The following IQUB variants were observed in gnomAD, a reference collection of about 807,000 sequenced individuals.
The protein encoded by IQUB is IQ motif and ubiquitin-like domain-containing protein.
In IQUB, 86 loss-of-function variants were observed where a neutral mutation model predicts 86.4. The ratio of observed to expected loss-of-function variants is 1.00; its 90% CI spans 0.84 to 1.19. IQUB has a LOEUF of 1.19. Ranked by LOEUF, IQUB falls within the 50% of genes most tolerant of loss-of-function variation. The pLI is 0.00. For missense variants in IQUB, 946 were observed against 916.9 expected, an observed-to-expected ratio of 1.03 and a Z score of -0.41; for synonymous variants, 289 against 304.5, an observed-to-expected ratio of 0.95 and a Z score of 0.53.
intron 7 of IQUB, among the ~76,000 whole-genome samples, chr7:123,494,173 T>G (rs558353380): frequency 1.3e-5 from 2 of 152,180 alleles, no homozygotes; most frequent in South Asian, 4.1e-4. Context: ...GAGATCACCC[T>G]CAACATACTG....
chr7:123,464,922 G>A lies in IQUB; in HGVS notation c.1669C>T (p.Leu557Phe), dbSNP rs1794177995. 2.5e-6 allele frequency: 4 copies of A among 1,604,670 alleles called. No homozygotes were observed. The highest frequency in any genetic ancestry group is 2.7e-5 in the African/African-American group (2 of 74,420). The change falls in exon 10 of 13, where the codon CTT (leucine) becomes TTT (phenylalanine). Residue 557 changes from leucine to phenylalanine, a missense_variant. Coordinates refer to ENST00000324698, the MANE Select transcript of IQUB (RefSeq NM_178827.5). Reference sequence around the variant, plus strand: ...GCAATTCTTTTTCTGAGTCCTTCAAGGTTATGATGTTTGACTCCTCTCATC... The same window carrying A: ...GCAATTCTTTTTCTGAGTCCTTCAAAGTTATGATGTTTGACTCCTCTCATC... Reference protein sequence around the residue: ...LMMRGVKHHNLEGLRKRIATL... With the variant: ...LMMRGVKHHNFEGLRKRIATL...
intron 7 of IQUB, among the ~76,000 whole-genome samples, chr7:123,480,767 C>T (rs986428768): frequency 6.6e-6 from 1 of 152,012 alleles, no homozygotes; most frequent in Non-Finnish European, 1.5e-5. Context: ...CATTTATTTA[C>T]AAAACTCTAA....
In IQUB at chr7:123,502,679, TA is replaced by T. The variant is rs1340634993; in HGVS notation, c.940del (p.Tyr314MetfsTer5). On this transcript the variant is annotated frameshift_variant, in exon 6 of 13. Coordinates refer to ENST00000324698, the MANE Select transcript of IQUB (RefSeq NM_178827.5). LOFTEE classifies it high-confidence loss of function. ...CAGTTTATCAGTCATATTTGATACA[TA>T]TACACCAATGTTAGTCATCTGTGTG... ...TSTQMTNIGV[Y>X]VSNMTDKLVT... The T allele has an allele frequency of 4.3e-6, 7 of 1,611,658 alleles. No individual in the cohort carries two copies. In the Admixed American group the frequency reaches 8.4e-5, roughly 19 times the overall value.
At position 123,499,323 on chromosome 7, in the gene IQUB, T is replaced by C. The variant is rs1255665221; in HGVS notation, c.1024-2417A>G. ...CAGGGTTTCACCAAGTTGCCGAGCT[T>C]GGTCTCCAACTCCTGGCCTCGAGTG... On this transcript the variant is annotated intron_variant, in intron 6 of 12. Transcript: ENST00000324698. Among the ~76,000 whole-genome samples, 5 of 152,222 alleles carry C rather than the reference T, an allele frequency of 3.3e-5. No homozygotes were observed. In the South Asian group the frequency reaches 8.3e-4, roughly 25 times the overall value.
intron 6 of IQUB, among the ~76,000 whole-genome samples, chr7:123,498,974 A>C (rs1441109519): frequency 6.6e-6 from 1 of 152,222 alleles, no homozygotes; most frequent in African/African-American, 2.4e-5. Context: ...TGTGTAGAAC[A>C]TAAGAAGTAA....
At chr7:123,533,996 A>G (rs1797651745) in intron 1 of IQUB, among the ~76,000 whole-genome samples, 1 of 152,236 alleles carries the variant, frequency 6.6e-6, no homozygotes, top group South Asian at 2.1e-4. Context: ...TTAGTGAGGC[A>G]GGGATCCAGT....
intron 6 of IQUB, 34 bp downstream of exon 6, chr7:123,502,563 T>G (rs780670678): frequency 1.3e-6 from 2 of 1,588,228 alleles, no homozygotes; most frequent in Non-Finnish European, 1.7e-6. Context: ...TATATCAAAT[T>G]TTTAGTATTC....
chr7:123,523,279 C>T (rs1797003917), intron 1 of IQUB, among the ~76,000 whole-genome samples: 1 of 138,244 alleles, frequency 7.2e-6, no homozygotes. Flanking sequence ...AATCGCCACA[C>T]TGACTTCCAC....
intron 6 of IQUB, among the ~76,000 whole-genome samples, chr7:123,498,507 T>A (rs1424588856): frequency 6.6e-6 from 1 of 152,162 alleles, no homozygotes; most frequent in Admixed American, 6.5e-5. Flanking sequence ...ATTAATAGAA[T>A]ATGGATTAGC....
chr7:123,534,193 A>G (rs1339119741), intron 1 of IQUB, among the ~76,000 whole-genome samples: 1 of 152,188 alleles, frequency 6.6e-6, no homozygotes, highest in African/African-American at 2.4e-5. Context: ...CACATCTTCT[A>G]TGCAATTACC....
rs761652498 is a variant in IQUB, at chr7:123,465,005, T to C, written c.1586A>G (p.His529Arg). 5.1e-6 allele frequency: 8 copies of C among 1,564,580 alleles called. No individual in the cohort carries two copies. The highest frequency in any genetic ancestry group is 2.4e-5 in the South Asian group (2 of 83,848). ...LLTLKHTVKE[H>R]ECKLTQEILE... ...AATTTCCTGAGTTAGTTTACATTCATGTTCCTATATAAAACACAAAAATAT... is the reference window on the plus strand; with the variant it reads ...AATTTCCTGAGTTAGTTTACATTCACGTTCCTATATAAAACACAAAAATAT... The change falls in exon 10 of 13, where the codon CAT (histidine) becomes CGT (arginine). Residue 529 changes from histidine (H) to arginine (R), a missense_variant. Coordinates refer to ENST00000324698, the MANE Select transcript of IQUB (RefSeq NM_178827.5).
At chr7:123,527,573 C>T (rs987795514) in intron 1 of IQUB, among the ~76,000 whole-genome samples, 4 of 152,120 alleles carry the variant, frequency 2.6e-5, no homozygotes, top group African/African-American at 4.8e-5. Context: ...AGCACCCGGC[C>T]GTGTGAGGTG....
Position 123,461,129 on chromosome 7 carries a change from CA to C in IQUB, c.2007+227del, listed in dbSNP as rs1315577689. Among the ~76,000 whole-genome samples the C allele has an allele frequency of 2.0e-5, 3 of 151,738 alleles. No homozygotes were observed. The East Asian group carries it at 5.8e-4, about 29-fold the overall frequency. ...TTTCTGTAAAAGTCATTCATTCATT[CA>C]ACAAATATTGAGGGCCTTAAATAAA... On this transcript the variant is annotated intron_variant, in intron 11 of 12. Transcript: ENST00000324698.
At chr7:123,531,150 CAT>C (rs1301481235) in intron 1 of IQUB, among the ~76,000 whole-genome samples, 1 of 152,088 alleles carries the variant, frequency 6.6e-6, no homozygotes, top group Non-Finnish European at 1.5e-5. Context: ...AGCCCTAATG[CAT>C]AGTCTTTGTA....
At chr7:123,466,766 A>T (rs767456686) in intron 9 of IQUB, among the ~76,000 whole-genome samples, 10 of 152,108 alleles carry the variant, frequency 6.6e-5, no homozygotes, top group Non-Finnish European at 1.5e-4. Flanking sequence ...ACTTAGATGG[A>T]CCTAAATATG....
At chr7:123,519,206 C>T (rs1390203060) in intron 1 of IQUB, among the ~76,000 whole-genome samples, 4 of 151,996 alleles carry the variant, frequency 2.6e-5, no homozygotes, top group Admixed American at 2.0e-4. Context: ...ACACTGTTAG[C>T]GGGAAATGTA....
chr7:123,469,936 A>G (rs1794449501), intron 8 of IQUB, among the ~76,000 whole-genome samples: 1 of 152,136 alleles, frequency 6.6e-6, no homozygotes, highest in African/African-American at 2.4e-5. Flanking sequence ...TGCTATCTTA[A>G]CTGTGCTGGG....
intron 2 of IQUB, among the ~76,000 whole-genome samples, chr7:123,510,562 T>C (rs2117253317): frequency 6.6e-6 from 1 of 152,220 alleles, no homozygotes; most frequent in African/African-American, 2.4e-5. Flanking sequence ...ATGTAAAAAG[T>C]AATTAATATG....
intron 11 of IQUB, among the ~76,000 whole-genome samples, 168 bp downstream of exon 11, chr7:123,461,189 T>C (rs1375502830): frequency 1.3e-5 from 2 of 151,676 alleles, no homozygotes; most frequent in East Asian, 3.9e-4. Flanking sequence ...AGAGGTATAA[T>C]GGTGAGCAGG....
Sources: gnomAD v4.1 joint callset for allele counts (sites outside exome capture counted in the v4.1 genomes callset) on GRCh38, gnomAD v4.1.1 for gene constraint, MANE v1.5 for transcripts, NCBI Gene and HGNC (gene_info 2026-07-23, HGNC 2026-07-21) for gene names.